The following SGCD variants were observed in gnomAD, a reference collection of about 807,000 sequenced individuals.
SGCD encodes delta-sarcoglycan.
In SGCD, 18 loss-of-function variants were observed where a neutral mutation model predicts 36.6. That is an observed-to-expected ratio of 0.49 (90% CI 0.34 to 0.73). The LOEUF (loss-of-function observed/expected upper bound fraction) is 0.73. Ranked by LOEUF, SGCD falls within the 30% of genes least tolerant of loss-of-function variation. The pLI is 0.01. For missense variants in SGCD, 387 were observed against 346.7 expected (o/e 1.12, Z -0.92); for synonymous variants, 133 against 130.6 (o/e 1.02, Z -0.12).
At chr5:156,534,883 C>T (rs1323075273) in intron 4 of SGCD, among the ~76,000 whole-genome samples, 2 of 152,088 alleles carry the variant, frequency 1.3e-5, no homozygotes, top group Non-Finnish European at 2.9e-5. Context: ...CTAGAGGCTT[C>T]GTGATAGAAG....
chr5:156,266,626 G>T (rs904066133), intron 3 of SGCD, among the ~76,000 whole-genome samples: 1 of 152,052 alleles, frequency 6.6e-6, no homozygotes, highest in African/African-American at 2.4e-5. Context: ...GGGATTACAG[G>T]CACACACCAC....
chr5:155,998,942 G>T (rs1561677742), intron 1 of SGCD, among the ~76,000 whole-genome samples: 1 of 152,148 alleles, frequency 6.6e-6, no homozygotes, highest in South Asian at 2.1e-4. Context: ...TTTGCAGTAT[G>T]GGATCACATT....
chr5:156,087,519 A>G (rs1761129025), intron 1 of SGCD, among the ~76,000 whole-genome samples: 1 of 151,632 alleles, frequency 6.6e-6, no homozygotes, highest in Non-Finnish European at 1.5e-5. Context: ...ATGTGCCTGT[A>G]GTTCCAGCTA....
chr5:156,315,683 C>A (rs371594113), intron 3 of SGCD, among the ~76,000 whole-genome samples: 2 of 151,878 alleles, frequency 1.3e-5, no homozygotes, highest in East Asian at 3.9e-4. Context: ...CAGCAATATG[C>A]AAGGGTTCTC....
At chr5:156,450,412 A>G (rs1397700293) in intron 3 of SGCD, among the ~76,000 whole-genome samples, 1 of 152,088 alleles carries the variant, frequency 6.6e-6, no homozygotes, top group African/African-American at 2.4e-5. Context: ...CAAAGGCAGG[A>G]ATTTGGTTCA....
At chr5:156,326,857 TGTGA>T (rs1408282225), upstream of SGCD, 6 of 152,522 alleles carry the variant, frequency 3.9e-5, no homozygotes, top group African/African-American at 9.6e-5. Context: ...TCTTTCTGGT[TGTGA>T]GTATGAGCCC....
chr5:156,150,246 C>A (rs573455493), intron 3 of SGCD, among the ~76,000 whole-genome samples: 12 of 148,010 alleles, frequency 8.1e-5, no homozygotes, highest in Non-Finnish European at 1.5e-4. Context: ...TTTGCCGGTG[C>A]TTACTAGTCC....
chr5:156,650,037 C>T (rs1763402695), intron 7 of SGCD, among the ~76,000 whole-genome samples: 1 of 151,936 alleles, frequency 6.6e-6, no homozygotes, highest in Non-Finnish European at 1.5e-5. Context: ...CAACCCAAAC[C>T]AATGAAACAA....
At chr5:155,808,143 G>A in the SGCD span, among the ~76,000 whole-genome samples, 3 of 152,154 alleles carry the variant, frequency 2.0e-5, no homozygotes, top group African/African-American at 7.2e-5. Context: ...TTGCAGTCAG[G>A]CCACGTACCT....
At chr5:156,754,258 C>T (rs1035026701) in intron 7 of SGCD, among the ~76,000 whole-genome samples, 1 of 152,214 alleles carries the variant, frequency 6.6e-6, no homozygotes, top group Non-Finnish European at 1.5e-5. Flanking sequence ...TGATAAAGCT[C>T]TGTAAGCTCC....
At chr5:155,784,801 A>G in the SGCD span, among the ~76,000 whole-genome samples, 1 of 152,170 alleles carries the variant, frequency 6.6e-6, no homozygotes, top group Non-Finnish European at 1.5e-5. Flanking sequence ...GTCAGATTAT[A>G]CATACTAGTT....
chr5:155,941,349 G>A (rs908455946), intron 1 of SGCD, among the ~76,000 whole-genome samples: 5 of 152,200 alleles, frequency 3.3e-5, no homozygotes, highest in East Asian at 1.9e-4. Context: ...GCCACATACA[G>A]GAACCCAGTA....
chr5:155,911,010 T>A (rs1001710264), intron 1 of SGCD, among the ~76,000 whole-genome samples: 4 of 152,126 alleles, frequency 2.6e-5, no homozygotes, highest in African/African-American at 9.7e-5. Context: ...TCAGTGACTC[T>A]CATTTCAAAG....
At chr5:155,861,029 C>G in the SGCD span, among the ~76,000 whole-genome samples, 2 of 152,264 alleles carry the variant, frequency 1.3e-5, no homozygotes, top group African/African-American at 4.8e-5. Flanking sequence ...TATTGAATAG[C>G]GTGCGTGCAC....
chr5:156,267,676 G>T (rs1766037064), intron 3 of SGCD, among the ~76,000 whole-genome samples: 1 of 151,682 alleles, frequency 6.6e-6, no homozygotes, highest in African/African-American at 2.4e-5. Flanking sequence ...ACTTCTGCAA[G>T]AATGAAACTG....
chr5:155,772,775 T>A, the SGCD span, among the ~76,000 whole-genome samples: 2 of 152,132 alleles, frequency 1.3e-5, no homozygotes, highest in African/African-American at 2.4e-5. Flanking sequence ...TTATTTTTTT[T>A]ATTTTCCTTT....
At chr5:155,886,568 G>A (rs1315456452) in intron 1 of SGCD, among the ~76,000 whole-genome samples, 1 of 152,134 alleles carries the variant, frequency 6.6e-6, no homozygotes, top group African/African-American at 2.4e-5. Flanking sequence ...CCTCAGAAAG[G>A]GTAAGTAAGT....
chr5:155,882,602 C>G (rs1209146232), intron 1 of SGCD, among the ~76,000 whole-genome samples: 3 of 152,204 alleles, frequency 2.0e-5, no homozygotes, highest in Non-Finnish European at 4.4e-5. Context: ...TGTACATCCC[C>G]ATCAGAGTTC....
At chr5:156,078,534 T>A (rs1398142041) in intron 1 of SGCD, among the ~76,000 whole-genome samples, 1 of 142,868 alleles carries the variant, frequency 7.0e-6, no homozygotes, top group African/African-American at 2.6e-5. Context: ...TATATATATA[T>A]ATATTTATTT....
Sources: gnomAD v4.1 joint callset for allele counts (sites outside exome capture counted in the v4.1 genomes callset) on GRCh38, gnomAD v4.1.1 for gene constraint, MANE v1.5 for transcripts, NCBI Gene and HGNC (gene_info 2026-07-23, HGNC 2026-07-21) for gene names.